Variants in CHID1 observed in about 807,000 individuals in gnomAD.
CHID1 encodes chitinase domain-containing protein 1.
In CHID1, 44 loss-of-function variants were observed where a neutral mutation model predicts 55.4. The ratio of observed to expected loss-of-function variants is 0.79; its 90% CI spans 0.62 to 1.02. The LOEUF is 1.02. Ranked by LOEUF, CHID1 falls within the 50% of genes least tolerant of loss-of-function variation. The pLI is 0.00. For missense variants in CHID1, 491 were observed against 515.3 expected, an observed-to-expected ratio of 0.95 and a Z score of 0.46; for synonymous variants, 216 against 212.9, an observed-to-expected ratio of 1.01 and a Z score of -0.13.
chr11:902,408 C>A, intron 3 of CHID1, 78 bp from the exon 4 acceptor site: 1 of 1,540,542 alleles, frequency 6.5e-7, no homozygotes, highest in Admixed American at 1.7e-5. Flanking sequence ...ATTCTGGCGC[C>A]TCTGGACGTG....
chr11:870,763 G>T, intron 10 of CHID1: 1 of 434,894 alleles, frequency 2.3e-6, no homozygotes, highest in East Asian at 4.1e-5. Flanking sequence ...GGCCTGGAGA[G>T]TGACACGGGG....
chr11:912,462 T>TG (rs1303132485), upstream of CHID1, among the ~76,000 whole-genome samples: 1 of 152,184 alleles, frequency 6.6e-6, no homozygotes, highest in Non-Finnish European at 1.5e-5. Context: ...GCCGGGTTCC[T>TG]GGGGGAGTCT....
At chr11:871,874 T>C (rs1356419385) in intron 10 of CHID1, among the ~76,000 whole-genome samples, 1 of 152,194 alleles carries the variant, frequency 6.6e-6, no homozygotes, top group Non-Finnish European at 1.5e-5. Flanking sequence ...GTGGGATGTT[T>C]GAGGCTCCCA....
At chr11:911,060 A>AG (rs1170612741), upstream of CHID1, 1 of 152,640 alleles carries the variant, frequency 6.6e-6, no homozygotes, top group African/African-American at 2.4e-5. Context: ...TTCCCGGCCC[A>AG]GGGGTAGCCG....
chr11:893,472 G>A lies in CHID1; in HGVS notation c.656C>T (p.Ala219Val), dbSNP rs113850108. 2.8e-5 allele frequency: 44 copies of A among 1,551,778 alleles called. No homozygotes were observed. The African/African-American group carries it at 4.6e-4, about 16-fold the overall frequency. Residue 219 changes from alanine (A) to valine (V), a missense_variant, in exon 8 of 13, where the codon GCC (alanine) becomes GTC (valine). Ala to Val is a moderately conservative substitution (Grantham distance 64). Coordinates refer to ENST00000323578, the MANE Select transcript of CHID1 (RefSeq NM_023947.4). ...GATGACCAGGAGGGCCAGCAGCCGG[G>A]CCTGGTGCAGAGCCTCGGCCAAGTG... ...LTHLAEALHQ[A>V]RLLALLVIPP...
chr11:903,194 A>G, intron 2 of CHID1, 83 bp from the exon 3 acceptor site: 1 of 1,416,018 alleles, frequency 7.1e-7, no homozygotes, highest in Non-Finnish European at 9.7e-7. Context: ...AGTCCCTTCC[A>G]TTCAGCCAGC....
chr11:907,479 T>TA (rs76779017), intron 1 of CHID1, among the ~76,000 whole-genome samples: 239 of 142,184 alleles, frequency 1.7e-3, no homozygotes, highest in South Asian at 2.4e-3. Flanking sequence ...AGACTGTCTT[T>TA]AAAAAAAAAA....
intron 7 of CHID1, among the ~76,000 whole-genome samples, chr11:894,455 TGAGTCTACC>T (rs1279748695): frequency 2.1e-4 from 32 of 152,318 alleles, no homozygotes; most frequent in Middle Eastern, 3.4e-3. Context: ...CTGGTGCCCA[TGAGTCTACC>T]CTGCAGGTGG....
Position 900,810 on chromosome 11 carries a change from G to T in CHID1, c.439+126C>A, listed in dbSNP as rs902157566. 3.2e-5 allele frequency: 25 copies of T among 777,450 alleles called. No homozygotes were observed. The African/African-American group carries it at 4.0e-4, about 13-fold the overall frequency. The allele number at this position is 777,450 out of a possible 1,614,324, so 48.2% of individuals were successfully genotyped here. A position where few individuals can be genotyped will look rare whatever the true frequency, so the allele number is the denominator to read the frequency against. ...CCAGGGCCAGCCTCATCTCTGAGCG[G>T]TCAAAGTAACCTGTGCCGCAGCAGC... On this transcript the variant is annotated intron_variant, in intron 5 of 12. Coordinates refer to ENST00000323578, the MANE Select transcript of CHID1 (RefSeq NM_023947.4).
intron 7 of CHID1, among the ~76,000 whole-genome samples, chr11:894,629 C>A (rs1851121806): frequency 6.6e-6 from 1 of 152,270 alleles, no homozygotes; most frequent in Non-Finnish European, 1.5e-5. Flanking sequence ...GGGAGGAGAC[C>A]CACCCCTTAG....
At chr11:888,751 C>T (rs1178223838) in intron 8 of CHID1, among the ~76,000 whole-genome samples, 8 of 152,056 alleles carry the variant, frequency 5.3e-5, no homozygotes, top group Admixed American at 5.2e-4. Context: ...TGAGTGCCCA[C>T]TCGGCCTCGA....
chr11:905,434 C>T (rs998655695), intron 1 of CHID1, among the ~76,000 whole-genome samples: 2 of 152,158 alleles, frequency 1.3e-5, no homozygotes, highest in Admixed American at 6.5e-5. Flanking sequence ...TAATGGGAGG[C>T]TGAGGCGGGC....
At chr11:911,674 G>C (rs117567599), upstream of CHID1, among the ~76,000 whole-genome samples, 1 of 152,130 alleles carries the variant, frequency 6.6e-6, no homozygotes, top group Non-Finnish European at 1.5e-5. Context: ...TTCTAGTCAC[G>C]TTTCCTTCTT....
At position 893,339 on chromosome 11, in the gene CHID1, C is replaced by G. The variant is rs1187933305; in HGVS notation, c.701+88G>C. ...AGGTTTGGGTGCTGAGCAGGAGGGCCTGGGCCCTTTGGCCGACACCCTGCA... is the reference window on the plus strand; with the variant it reads ...AGGTTTGGGTGCTGAGCAGGAGGGCGTGGGCCCTTTGGCCGACACCCTGCA... On this transcript the variant is annotated intron_variant, in intron 8 of 12. Transcript: ENST00000323578. 2.8e-6 allele frequency: 3 copies of G among 1,076,592 alleles called. No homozygotes were observed. In the African/African-American group the frequency reaches 4.7e-5, roughly 17 times the overall value. 66.7% of individuals were successfully genotyped at this position (1,076,592 alleles called of 1,614,324 possible). A position where few individuals can be genotyped will look rare whatever the true frequency, so the allele number is the denominator to read the frequency against.
rs553359526 is a variant in CHID1 at position 895,715 on chromosome 11, C to T, written c.609-2196G>A. 2.6e-5 allele frequency among the ~76,000 whole-genome samples: 4 copies of T among 152,294 alleles called. No homozygotes were observed. The South Asian group carries it at 8.3e-4, about 32-fold the overall frequency. ...GGCCCAGTGCATGGGACCGAACCTG[C>T]TGAGCCCAGTCTCGGGCCTGGCACA... On this transcript the variant is annotated intron_variant, in intron 7 of 12. Coordinates refer to ENST00000323578, the MANE Select transcript of CHID1 (RefSeq NM_023947.4).
chr11:902,269 G>T lies in CHID1; in HGVS notation c.323C>A (p.Pro108His). 1.2e-6 allele frequency: 2 copies of T among 1,613,984 alleles called. No individual in the cohort carries two copies. The highest frequency in any genetic ancestry group is 1.7e-6 in the Non-Finnish European group (2 of 1,179,986). Reference protein sequence around the residue: ...VFGSKFTQISPVWLQLKRRGR... With the variant: ...VFGSKFTQISHVWLQLKRRGR... ...ACGTCTCTTCAGCTGCAGCCAGACG[G>T]GTGAGATCTGTGTGAACTTGCTCCC... The change falls in exon 4 of 13, where the codon CCC (proline) becomes CAC (histidine). Residue 108 changes from proline (P) to histidine (H), a missense_variant. Transcript: ENST00000323578.
chr11:872,058 T>C (rs993202077), intron 10 of CHID1, among the ~76,000 whole-genome samples: 1 of 152,166 alleles, frequency 6.6e-6, no homozygotes. Flanking sequence ...TTTTGGGGCA[T>C]GGAGGCTGCT....
chr11:882,776 A>G (rs1850074518), intron 10 of CHID1, among the ~76,000 whole-genome samples: 1 of 152,236 alleles, frequency 6.6e-6, no homozygotes, highest in Non-Finnish European at 1.5e-5. Context: ...AGAGCATACC[A>G]AGAACACACA....
chr11:903,937 C>A lies in CHID1; in HGVS notation c.111+769G>T, dbSNP rs978444056. On this transcript the variant is annotated intron_variant, in intron 2 of 12. Coordinates refer to ENST00000323578, the MANE Select transcript of CHID1 (RefSeq NM_023947.4). ...CTGGCCAACCACTGCCTGCCACCAC[C>A]CCCACCAATGCAACCCTGCTGGTCA... Among the ~76,000 whole-genome samples the A allele has an allele frequency of 2.6e-5, 4 of 152,132 alleles. No individual in the cohort carries two copies. In the South Asian group the frequency reaches 8.3e-4, roughly 31 times the overall value.
Sources: allele counts gnomAD v4.1 joint callset (sites outside exome capture counted in the v4.1 genomes callset), GRCh38; gene constraint gnomAD v4.1.1; transcripts MANE v1.5; gene names NCBI Gene and HGNC (gene_info 2026-07-23, HGNC 2026-07-21).